TRIP12: variants seen among roughly 807,000 people sequenced by gnomAD.
TRIP12 encodes E3 ubiquitin-protein ligase TRIP12.
TRIP12 carries 25 observed loss-of-function variants against 244.2 expected under a neutral mutation model. The ratio of observed to expected loss-of-function variants is 0.10; its 90% CI spans 0.07 to 0.14. The LOEUF (loss-of-function observed/expected upper bound fraction) is 0.14. TRIP12 is among the 10% of genes least tolerant of loss of function. The pLI, the probability that TRIP12 is intolerant of heterozygous loss-of-function variation, is 1.00. For missense variants in TRIP12, 1,677 were observed against 2,486.4 expected, an observed-to-expected ratio of 0.67 and a Z score of 6.92; for synonymous variants, 905 against 873.1, an observed-to-expected ratio of 1.04 and a Z score of -0.64.
chr2:229,842,171 A>G (rs894776409), intron 4 of TRIP12, among the ~76,000 whole-genome samples: 5 of 152,258 alleles, frequency 3.3e-5, no homozygotes, highest in Admixed American at 6.5e-5. Context: ...TGAAGCTGAC[A>G]TAAAAGAATC....
intron 1 of TRIP12, among the ~76,000 whole-genome samples, chr2:229,889,068 G>A (rs1576697554): frequency 6.6e-6 from 1 of 152,178 alleles, no homozygotes; most frequent in African/African-American, 2.4e-5. Context: ...TGAAAGAAAA[G>A]GTTGGGAATA....
At chr2:229,860,746 G>A (rs977835388) in intron 2 of TRIP12, among the ~76,000 whole-genome samples, 4 of 151,274 alleles carry the variant, frequency 2.6e-5, no homozygotes, top group Admixed American at 6.6e-5. Flanking sequence ...CCGCAATACC[G>A]AAGAGTTTAT....
At chr2:229,782,157 G>C (rs918067519) in intron 34 of TRIP12, among the ~76,000 whole-genome samples, 1 of 152,094 alleles carries the variant, frequency 6.6e-6, no homozygotes. Context: ...AGTCTCATAA[G>C]TAACAAATTT....
chr2:229,889,891 A>G (rs1001129988), intron 1 of TRIP12, among the ~76,000 whole-genome samples: 1 of 152,212 alleles, frequency 6.6e-6, no homozygotes, highest in Non-Finnish European at 1.5e-5. Flanking sequence ...AGTTATTCAC[A>G]GTACAAGGTA....
At chr2:229,913,297 G>T (rs868382962) in intron 1 of TRIP12, among the ~76,000 whole-genome samples, 2 of 152,204 alleles carry the variant, frequency 1.3e-5, no homozygotes, top group South Asian at 4.1e-4. Context: ...ATTTCTCTAT[G>T]CTAAATACTA....
intron 2 of TRIP12, among the ~76,000 whole-genome samples, chr2:229,862,819 T>C (rs2060684891): frequency 1.3e-5 from 2 of 152,224 alleles, no homozygotes; most frequent in Non-Finnish European, 2.9e-5. Context: ...CTCATGCCCT[T>C]ACTAATACCT....
chr2:229,878,459 G>C (rs201227488), intron 2 of TRIP12, among the ~76,000 whole-genome samples: 41 of 146,942 alleles, frequency 2.8e-4, no homozygotes, highest in Non-Finnish European at 4.2e-4. Context: ...AAAAAAAAAA[G>C]AAAACAAAAC....
At chr2:229,896,499 A>G (rs755880382) in intron 1 of TRIP12, among the ~76,000 whole-genome samples, 5 of 151,966 alleles carry the variant, frequency 3.3e-5, no homozygotes, top group African/African-American at 9.7e-5. Context: ...TTAGCTGGGC[A>G]TGGTCAGGAG....
At chr2:229,874,027 T>C (rs1355530855) in intron 2 of TRIP12, among the ~76,000 whole-genome samples, 2 of 149,174 alleles carry the variant, frequency 1.3e-5, no homozygotes, top group African/African-American at 2.4e-5. Context: ...TTTTAAAATG[T>C]TGTAGAAATT....
chr2:229,894,427 T>C (rs187611235), intron 1 of TRIP12: 3 of 152,254 alleles, frequency 2.0e-5, no homozygotes, highest in Admixed American at 2.0e-4. Flanking sequence ...GATTACACAA[T>C]TTAATATTGT....
At chr2:229,879,843 C>CT (rs1287584918) in intron 2 of TRIP12, 139 bp downstream of exon 2, 30 of 917,094 alleles carry the variant, frequency 3.3e-5, no homozygotes, top group Non-Finnish European at 5.0e-5. Flanking sequence ...TTCCAGTTTG[C>CT]TTTTAAGTAC....
Position 229,835,328 on chromosome 2 carries a change from G to A in TRIP12, c.1270+1520C>T, listed in dbSNP as rs116763818. Among the ~76,000 whole-genome samples, 415 of 152,314 alleles carry A rather than the reference G, an allele frequency of 2.7e-3. 2 individuals are homozygous for A. Among genetic ancestry groups the A allele is most frequent in the African/African-American group, 9.6e-3 (398 of 41,570 alleles). On this transcript the variant is annotated intron_variant, in intron 6 of 41. Transcript: ENST00000675903. ...TGTAATGCCTGGAACTGTTTAGAAA[G>A]GCAGTCGGATGAGCCTGATTCCTGT...
At chr2:229,827,364 T>C (rs1329649600) in intron 8 of TRIP12, among the ~76,000 whole-genome samples, 1 of 152,104 alleles carries the variant, frequency 6.6e-6, no homozygotes, top group African/African-American at 2.4e-5. Flanking sequence ...AACTATTTTG[T>C]AGTATTAACT....
At position 229,831,286 on chromosome 2, in the gene TRIP12, T is replaced by G. The variant is rs2053289180; in HGVS notation, c.1271-447A>C. Reference sequence around the variant, plus strand: ...TAGACGTCTGCCTTCTAAGTCTGCTTTATTTCCGGACTACAGTCTTGATAC... The same window carrying G: ...TAGACGTCTGCCTTCTAAGTCTGCTGTATTTCCGGACTACAGTCTTGATAC... On this transcript the variant is annotated intron_variant, in intron 6 of 41. Transcript: ENST00000675903. 4 of 614,226 alleles carry G rather than the reference T, an allele frequency of 6.5e-6. 1 individual carries two copies. The highest frequency in any genetic ancestry group is 1.8e-5 in the African/African-American group (1 of 54,072). The allele number at this position is 614,226 out of a possible 1,614,324, so 38.0% of individuals were successfully genotyped here. A position where few individuals can be genotyped will look rare whatever the true frequency, so the allele number is the denominator to read the frequency against.
At chr2:229,776,041 C>G (rs774845456) in intron 37 of TRIP12, among the ~76,000 whole-genome samples, 1 of 152,080 alleles carries the variant, frequency 6.6e-6, no homozygotes, top group Non-Finnish European at 1.5e-5. Context: ...TATCACAGAG[C>G]TTGCATGGTG....
chr2:229,825,856 A>C (rs2051417634), intron 8 of TRIP12, among the ~76,000 whole-genome samples: 1 of 152,238 alleles, frequency 6.6e-6, no homozygotes, highest in Non-Finnish European at 1.5e-5. Flanking sequence ...GTTATGGCCA[A>C]AAGATTCAGA....
rs546806792 is a variant in TRIP12, at chr2:229,793,254, GTACTAAGCATT to G, written c.3969-120_3969-110del. The G allele has an allele frequency of 1.0e-3, 1,106 of 1,082,150 alleles. 2 individuals are homozygous for G. Among genetic ancestry groups the G allele is most frequent in the Non-Finnish European group, 1.3e-3 (1,039 of 783,274 alleles). 67.0% of individuals were successfully genotyped at this position (1,082,150 alleles called of 1,614,324 possible). A position where few individuals can be genotyped will look rare whatever the true frequency, so the allele number is the denominator to read the frequency against. ...AACTGCATTTTCATAAGACACACTAGTACTAAGCATTTACTTACCAGTTCTGTGAATGGTAA... is the reference window on the plus strand; with the variant it reads ...AACTGCATTTTCATAAGACACACTAGTACTTACCAGTTCTGTGAATGGTAA... On this transcript the variant is annotated intron_variant, in intron 26 of 41. Transcript: ENST00000675903.
intron 17 of TRIP12, 48 bp from the exon 18 acceptor site, chr2:229,805,931 A>G: frequency 6.9e-7 from 1 of 1,448,532 alleles, no homozygotes; most frequent in South Asian, 1.4e-5. Context: ...TGAGAAATCT[A>G]TTACCTTAAG....
intron 9 of TRIP12, among the ~76,000 whole-genome samples, chr2:229,817,212 CATA>C (rs2048722977): frequency 6.6e-6 from 1 of 152,164 alleles, no homozygotes; most frequent in Non-Finnish European, 1.5e-5. Flanking sequence ...ATGTATAAAT[CATA>C]ACTTCATTTT....
Sources: gnomAD v4.1 joint callset for allele counts (sites outside exome capture counted in the v4.1 genomes callset) on GRCh38, gnomAD v4.1.1 for gene constraint, MANE v1.5 for transcripts, NCBI Gene and HGNC (gene_info 2026-07-23, HGNC 2026-07-21) for gene names.